Variants in GABBR2 observed in about 807,000 individuals in gnomAD.
GABBR2 encodes G-protein coupled receptor 51.
In GABBR2, 23 loss-of-function variants were observed where a neutral mutation model predicts 105.6. That is an observed-to-expected ratio of 0.22 (90% CI 0.16 to 0.31). GABBR2 has a LOEUF of 0.31. Among genes scored for constraint, GABBR2 ranks in the 10% least tolerant of loss-of-function variants. The probability of loss-of-function intolerance (pLI) is 1.00; values close to 1 mark genes in which losing one functional copy is unlikely to be tolerated. For missense variants in GABBR2, 734 were observed against 1,245.5 expected (o/e 0.59, Z 6.18); for synonymous variants, 478 against 499.7 (o/e 0.96, Z 0.58).
intron 6 of GABBR2, among the ~76,000 whole-genome samples, chr9:98,464,528 G>A (rs920449601): frequency 1.3e-5 from 2 of 151,566 alleles, no homozygotes; most frequent in African/African-American, 4.8e-5. Flanking sequence ...TCTGGGAGGT[G>A]GGGGGCGCCT....
intron 3 of GABBR2, among the ~76,000 whole-genome samples, chr9:98,512,811 G>A (rs140501536): frequency 0.065 from 9,945 of 152,186 alleles, 377 homozygotes; most frequent in South Asian, 0.13. Flanking sequence ...AATCAATATC[G>A]TGCAAATGGC....
At chr9:98,479,467 C>A (rs1306132627) in intron 5 of GABBR2, among the ~76,000 whole-genome samples, 1 of 152,182 alleles carries the variant, frequency 6.6e-6, no homozygotes, top group South Asian at 2.1e-4. Flanking sequence ...CTGATTGGCT[C>A]CTGAGTGCCA....
At chr9:98,366,177 G>C (rs1238800426) in intron 12 of GABBR2, among the ~76,000 whole-genome samples, 1 of 152,174 alleles carries the variant, frequency 6.6e-6, no homozygotes, top group Non-Finnish European at 1.5e-5. Flanking sequence ...TCCCACACTA[G>C]ATTACCAGAG....
intron 1 of GABBR2, among the ~76,000 whole-genome samples, chr9:98,645,217 T>C (rs1472379488): frequency 1.3e-5 from 2 of 152,190 alleles, no homozygotes; most frequent in South Asian, 2.1e-4. Flanking sequence ...GCAGGCAAAG[T>C]GCAGCCCAAG....
chr9:98,487,691 T>C (rs1471854654), intron 4 of GABBR2, among the ~76,000 whole-genome samples: 2 of 151,810 alleles, frequency 1.3e-5, no homozygotes, highest in Admixed American at 6.6e-5. Flanking sequence ...GGTGGGAGGA[T>C]TGCTTGAGCC....
chr9:98,293,697 A>C (rs1376957738), intron 18 of GABBR2, 88 bp downstream of exon 18: 1 of 714,354 alleles, frequency 1.4e-6, no homozygotes, highest in East Asian at 2.5e-5. Context: ...AAAATAATGG[A>C]TGTGAAAACA....
chr9:98,584,392 T>C (rs1366182372), intron 1 of GABBR2, among the ~76,000 whole-genome samples: 2 of 152,148 alleles, frequency 1.3e-5, no homozygotes, highest in African/African-American at 4.8e-5. Context: ...TTACCTTCCT[T>C]TGACTCCTCC....
At chr9:98,599,326 G>A (rs766809680) in intron 1 of GABBR2, among the ~76,000 whole-genome samples, 15 of 152,196 alleles carry the variant, frequency 9.9e-5, no homozygotes, top group Non-Finnish European at 1.9e-4. Flanking sequence ...GGAAGGTTCT[G>A]TAGACAAGCA....
At chr9:98,549,773 G>A (rs898105690) in intron 2 of GABBR2, among the ~76,000 whole-genome samples, 7 of 152,098 alleles carry the variant, frequency 4.6e-5, no homozygotes, top group African/African-American at 1.4e-4. Context: ...AGCACATCCT[G>A]GCCCACAGAA....
chr9:98,357,312 A>G (rs868641406), intron 13 of GABBR2, among the ~76,000 whole-genome samples: 14 of 152,240 alleles, frequency 9.2e-5, no homozygotes, highest in African/African-American at 3.1e-4. Context: ...AACTACCCTA[A>G]GAAATAAAGT....
At chr9:98,500,645 G>A (rs1827379876) in intron 3 of GABBR2, among the ~76,000 whole-genome samples, 1 of 152,238 alleles carries the variant, frequency 6.6e-6, no homozygotes, top group South Asian at 2.1e-4. Flanking sequence ...TGGAGAGAAT[G>A]GATGGGTCAG....
In GABBR2 at chr9:98,547,060, G is replaced by A. The variant is rs146320054; in HGVS notation, c.460-5017C>T. 4.9e-4 allele frequency among the ~76,000 whole-genome samples: 58 copies of A among 119,146 alleles called. 16 individuals are homozygous for A. The highest frequency in any genetic ancestry group is 9.9e-4 in the Non-Finnish European group (53 of 53,454). The allele number at this position is 119,146 out of a possible 152,430, so 78.2% of individuals were successfully genotyped here. On this transcript the variant is annotated intron_variant, in intron 2 of 18. Coordinates refer to ENST00000259455, the MANE Select transcript of GABBR2 (RefSeq NM_005458.8). ...AAAGTGATGCAGAGGAGAAATTTGGGGCTGGCTTGATTGTCACTGATTGTC... is the reference window on the plus strand; with the variant it reads ...AAAGTGATGCAGAGGAGAAATTTGGAGCTGGCTTGATTGTCACTGATTGTC...
intron 6 of GABBR2, among the ~76,000 whole-genome samples, chr9:98,462,068 C>A (rs1485784046): frequency 6.6e-6 from 1 of 152,168 alleles, no homozygotes; most frequent in Non-Finnish European, 1.5e-5. Context: ...ACATCCAAAC[C>A]AAATCATCAA....
intron 1 of GABBR2, among the ~76,000 whole-genome samples, chr9:98,648,220 C>T (rs987337755): frequency 5.3e-5 from 8 of 152,062 alleles, no homozygotes; most frequent in African/African-American, 1.7e-4. Context: ...CAACCTCTGC[C>T]TCCTGGGTTC....
intron 3 of GABBR2, among the ~76,000 whole-genome samples, chr9:98,505,468 G>A (rs565137529): frequency 1.5e-3 from 234 of 151,666 alleles, no homozygotes; most frequent in African/African-American, 5.5e-3. Context: ...GCATGTGCGT[G>A]TGTGACCCAT....
At chr9:98,389,511 C>T (rs978692339) in intron 9 of GABBR2, among the ~76,000 whole-genome samples, 2 of 152,236 alleles carry the variant, frequency 1.3e-5, no homozygotes, top group African/African-American at 4.8e-5. Flanking sequence ...AGAATTTCTG[C>T]TTCAATGTCA....
chr9:98,565,571 G>T (rs1588230990), intron 2 of GABBR2, among the ~76,000 whole-genome samples: 2 of 152,184 alleles, frequency 1.3e-5, no homozygotes, highest in African/African-American at 2.4e-5. Flanking sequence ...CCATGGAGGT[G>T]ACCCCAGATC....
At chr9:98,615,853 C>G (rs112677241) in intron 1 of GABBR2, among the ~76,000 whole-genome samples, 22 of 152,354 alleles carry the variant, frequency 1.4e-4, no homozygotes, top group African/African-American at 5.3e-4. Flanking sequence ...CAGAATGTGA[C>G]TCCAGAGCCT....
At chr9:98,513,567 A>T (rs957437299) in intron 3 of GABBR2, among the ~76,000 whole-genome samples, 2 of 151,966 alleles carry the variant, frequency 1.3e-5, no homozygotes, top group African/African-American at 4.8e-5. Context: ...CAAAAAAAAA[A>T]CAAACAACCC....
Sources: allele counts gnomAD v4.1 joint callset (sites outside exome capture counted in the v4.1 genomes callset), GRCh38; gene constraint gnomAD v4.1.1; transcripts MANE v1.5; gene names NCBI Gene and HGNC (gene_info 2026-07-23, HGNC 2026-07-21).